TMEM47: variants seen among roughly 807,000 people sequenced by gnomAD.
The protein encoded by TMEM47 is transmembrane protein 47.
In TMEM47, 3 loss-of-function variants were observed where a neutral mutation model predicts 12.4. The ratio of observed to expected loss-of-function variants is 0.24; its 90% CI spans 0.11 to 0.63. The LOEUF (loss-of-function observed/expected upper bound fraction) is 0.63. Ranked by LOEUF, TMEM47 falls within the 20% of genes least tolerant of loss-of-function variation. The pLI, the probability that TMEM47 is intolerant of heterozygous loss-of-function variation, is 0.86. For missense variants in TMEM47, 89 were observed against 143.8 expected, an observed-to-expected ratio of 0.62 and a Z score of 1.95; for synonymous variants, 62 against 63.3, an observed-to-expected ratio of 0.98 and a Z score of 0.10.
chrX:34,643,240 G>T (rs1171207222), intron 1 of TMEM47, among the ~76,000 whole-genome samples: 1 of 110,948 alleles, frequency 9.0e-6, no homozygotes, highest in African/African-American at 3.3e-5. Context: ...CCTACTAATG[G>T]CTATTAAAAT....
chrX:34,651,799 G>C (rs1922022549), intron 1 of TMEM47, among the ~76,000 whole-genome samples: 1 of 112,113 alleles, frequency 8.9e-6, no homozygotes, highest in South Asian at 3.7e-4. Context: ...AAGGATAATA[G>C]TTTTGTGATC....
chrX:34,650,682 T>A (rs755769509), intron 1 of TMEM47, among the ~76,000 whole-genome samples: 4 of 112,201 alleles, frequency 3.6e-5, no homozygotes, highest in Non-Finnish European at 5.6e-5. Flanking sequence ...TTCATAACTT[T>A]CTAAAAAAAG....
At chrX:34,635,579 G>A (rs1921701513) in intron 2 of TMEM47, among the ~76,000 whole-genome samples, 2 of 111,091 alleles carry the variant, frequency 1.8e-5, no homozygotes, top group South Asian at 7.6e-4. Flanking sequence ...GTGGGGACCT[G>A]TAGGCAGTGA....
Position 34,627,686 on chromosome X carries a change from T to C in TMEM47, c.*2627A>G, listed in dbSNP as rs1016140958. On this transcript the variant is annotated 3_prime_UTR_variant, in exon 3 of 3. Transcript: ENST00000275954. ...ATATGTGTGTGAGTATATATATGTGTGTATATCTATATCTATAGATGTAGA... is the reference window on the plus strand; with the variant it reads ...ATATGTGTGTGAGTATATATATGTGCGTATATCTATATCTATAGATGTAGA... The C allele has an allele frequency of 1.8e-5, 2 of 112,277 alleles. No individual in the cohort carries two copies. Among genetic ancestry groups the C allele is most frequent in the African/African-American group, 6.5e-5 (2 of 30,872 alleles). The allele number at this position is 112,277 out of a possible 1,213,427, so 9.3% of individuals were successfully genotyped here. A position where few individuals can be genotyped will look rare whatever the true frequency, so the allele number is the denominator to read the frequency against.
intron 1 of TMEM47, among the ~76,000 whole-genome samples, chrX:34,647,332 G>A (rs180963961): frequency 3.2e-4 from 36 of 111,299 alleles, no homozygotes; most frequent in African/African-American, 9.8e-4. Context: ...CAGGGGTCTC[G>A]ACTTCTATTT....
At chrX:34,655,949 G>A (rs2147143711) in intron 1 of TMEM47, among the ~76,000 whole-genome samples, 1 of 111,790 alleles carries the variant, frequency 8.9e-6, no homozygotes, top group South Asian at 3.8e-4. Context: ...TAACTGGGGC[G>A]CCGGGGAAGG....
Position 34,639,396 on chromosome X carries a change from A to G in TMEM47, c.227-9T>C, listed in dbSNP as rs1180367030. ...AGTAGCAATCTGCCAATCTGGAAAG[A>G]AAAAAGAAATTGTTTTTGAGTAGTA... is the stretch of plus-strand genomic sequence containing the variant. On this transcript the variant is annotated splice_polypyrimidine_tract_variant and intron_variant, in intron 1 of 2. Coordinates refer to ENST00000275954, the MANE Select transcript of TMEM47 (RefSeq NM_031442.4). 8 of 1,201,473 alleles carry G rather than the reference A, an allele frequency of 6.7e-6. No individual in the cohort carries two copies. The Admixed American group carries it at 1.8e-4, about 27-fold the overall frequency.
chrX:34,646,225 T>C (rs998663120), intron 1 of TMEM47, among the ~76,000 whole-genome samples: 78 of 112,288 alleles, frequency 6.9e-4, no homozygotes, highest in Non-Finnish European at 3.4e-4. Context: ...ACTTTTTATT[T>C]TCAACAAATA....
chrX:34,635,772 G>A (rs761923939), intron 2 of TMEM47, among the ~76,000 whole-genome samples: 1 of 111,620 alleles, frequency 9.0e-6, no homozygotes, highest in African/African-American at 3.3e-5. Context: ...TGGGGAATGA[G>A]ACGTTCCATT....
At chrX:34,634,197 T>C (rs1921675092) in intron 2 of TMEM47, among the ~76,000 whole-genome samples, 1 of 111,461 alleles carries the variant, frequency 9.0e-6, no homozygotes, top group South Asian at 3.8e-4. Flanking sequence ...AAAGATAACA[T>C]AGGTACAGCT....
chrX:34,635,603 A>AT (rs1268428677), intron 2 of TMEM47, among the ~76,000 whole-genome samples: 2 of 111,401 alleles, frequency 1.8e-5, no homozygotes, highest in East Asian at 5.6e-4. Context: ...CTAAGGTGTC[A>AT]TCAGTGGGAA....
chrX:34,655,391 T>C (rs1425615934), intron 1 of TMEM47, among the ~76,000 whole-genome samples: 1 of 111,751 alleles, frequency 8.9e-6, no homozygotes, highest in East Asian at 2.8e-4. Flanking sequence ...TTATCTTTAG[T>C]TGTAAACTGC....
At chrX:34,634,761 G>T (rs1361130730) in intron 2 of TMEM47, among the ~76,000 whole-genome samples, 1 of 112,023 alleles carries the variant, frequency 8.9e-6, no homozygotes, top group Admixed American at 9.5e-5. Flanking sequence ...GTCAGAAGAG[G>T]CAGAGGAAAG....
chrX:34,641,089 T>C (rs1476049645), intron 1 of TMEM47, among the ~76,000 whole-genome samples: 1 of 32,183 alleles, frequency 3.1e-5, no homozygotes, highest in African/African-American at 1.5e-4. Flanking sequence ...AGCTTTGAAT[T>C]AAAAAGCCAA....
chrX:34,656,748 G>A (rs1359003038), intron 1 of TMEM47, 56 bp downstream of exon 1: 14 of 1,139,334 alleles, frequency 1.2e-5, no homozygotes, highest in South Asian at 8.3e-5. Context: ...TCCTGGCAGT[G>A]GGGCGCGGGG....
At chrX:34,644,418 C>T in intron 1 of TMEM47, among the ~76,000 whole-genome samples, 1 of 112,373 alleles carries the variant, frequency 8.9e-6, no homozygotes, top group Non-Finnish European at 1.9e-5. Flanking sequence ...TTATCATTCC[C>T]TTAGGGAATT....
intron 1 of TMEM47, among the ~76,000 whole-genome samples, chrX:34,651,094 C>T (rs1448117550): frequency 8.9e-6 from 1 of 111,817 alleles, no homozygotes; most frequent in Non-Finnish European, 1.9e-5. Flanking sequence ...ACAGCAACTC[C>T]TATCCCACAT....
intron 1 of TMEM47, among the ~76,000 whole-genome samples, chrX:34,639,989 G>C (rs1921786815): frequency 9.0e-6 from 1 of 111,594 alleles, no homozygotes. Context: ...GCATGTGACA[G>C]TAGTATATTC....
chrX:34,630,262 T>C lies in TMEM47; in HGVS notation c.*51A>G. ...TAGTAAGTTAGAAAAGATGCAGACG[T>C]AATCCTTTTGTTGGATGGTGGTGGT... On this transcript the variant is annotated 3_prime_UTR_variant, in exon 3 of 3. Coordinates refer to ENST00000275954, the MANE Select transcript of TMEM47 (RefSeq NM_031442.4). 9.2e-7 allele frequency: 1 copy of C among 1,090,923 alleles called. No homozygotes were observed. Among genetic ancestry groups the C allele is most frequent in the Non-Finnish European group, 1.2e-6 (1 of 810,005 alleles). 89.9% of individuals were successfully genotyped at this position (1,090,923 alleles called of 1,213,427 possible).
Sources: gnomAD v4.1 joint callset for allele counts (sites outside exome capture counted in the v4.1 genomes callset) on GRCh38, gnomAD v4.1.1 for gene constraint, MANE v1.5 for transcripts, NCBI Gene and HGNC (gene_info 2026-07-23, HGNC 2026-07-21) for gene names.